Variants in ZDHHC20 observed in about 807,000 individuals in gnomAD.
The protein encoded by ZDHHC20 is palmitoyltransferase ZDHHC20.
In ZDHHC20, 43 loss-of-function variants were observed where a neutral mutation model predicts 57.8. The ratio of observed to expected loss-of-function variants is 0.74; its 90% CI spans 0.58 to 0.96. The LOEUF is 0.96. Ranked by LOEUF, ZDHHC20 falls within the 40% of genes least tolerant of loss-of-function variation. The probability of loss-of-function intolerance (pLI) is 0.00; values close to 1 mark genes in which losing one functional copy is unlikely to be tolerated. For synonymous variants in ZDHHC20, 157 were observed against 153.0 expected (o/e 1.03, Z -0.19); for missense variants, 391 against 441.1 (o/e 0.89, Z 1.02).
intron 6 of ZDHHC20, 40 bp downstream of exon 6, chr13:21,401,613 C>T (rs779289210): frequency 1.1e-4 from 167 of 1,523,068 alleles, no homozygotes; most frequent in Non-Finnish European, 1.4e-4. Context: ...AATTCTCTCT[C>T]TCACCACCAA....
At chr13:21,383,175 G>A (rs1226535722) in intron 9 of ZDHHC20, among the ~76,000 whole-genome samples, 166 bp from the exon 10 acceptor site, 1 of 152,126 alleles carries the variant, frequency 6.6e-6, no homozygotes, top group Non-Finnish European at 1.5e-5. Flanking sequence ...GATACGGTTT[G>A]GCTGTGTCCT....
At chr13:21,451,710 C>A (rs1466318223) in intron 1 of ZDHHC20, among the ~76,000 whole-genome samples, 2 of 152,076 alleles carry the variant, frequency 1.3e-5, no homozygotes, top group African/African-American at 4.8e-5. Context: ...CACTTATTGG[C>A]CGGGCACGGT....
chr13:21,381,557 G>A lies in ZDHHC20; in HGVS notation c.945-8C>T, dbSNP rs762340995. On this transcript the variant is annotated splice_region_variant and splice_polypyrimidine_tract_variant and intron_variant, in intron 10 of 12. Coordinates refer to ENST00000400590, the MANE Select transcript of ZDHHC20 (RefSeq NM_001330059.2). The stretch of plus-strand genomic sequence containing the variant: ...GGTTGATTTGAGCCACTACTGAAAA[G>A]AAGAGCAAACAACTTAGTAAACAGC... 1 of 1,597,990 alleles carries A rather than the reference G, an allele frequency of 6.3e-7. No individual in the cohort carries two copies. Among genetic ancestry groups the A allele is most frequent in the Non-Finnish European group, 8.6e-7 (1 of 1,166,266 alleles).
Position 21,387,642 on chromosome 13 carries a change from A to G in ZDHHC20, c.728-8T>C. ...TGGGTGCGCGGAATGATTCTGTTAA[A>G]TATACATACATATATAAACTAATTA... On this transcript the variant is annotated splice_region_variant and splice_polypyrimidine_tract_variant and intron_variant, in intron 8 of 12. Coordinates refer to ENST00000400590, the MANE Select transcript of ZDHHC20 (RefSeq NM_001330059.2). The G allele has an allele frequency of 7.1e-7, 1 of 1,413,578 alleles. No homozygotes were observed. Among genetic ancestry groups the G allele is most frequent in the Non-Finnish European group, 9.3e-7 (1 of 1,076,446 alleles). 87.6% of individuals were successfully genotyped at this position (1,413,578 alleles called of 1,614,324 possible).
At chr13:21,408,761 G>A (rs1469958087) in intron 4 of ZDHHC20, among the ~76,000 whole-genome samples, 1 of 152,022 alleles carries the variant, frequency 6.6e-6, no homozygotes. Flanking sequence ...TCATAAATAG[G>A]TCTTATTATT....
chr13:21,455,232 T>G (rs1884813205), intron 1 of ZDHHC20, among the ~76,000 whole-genome samples: 1 of 152,200 alleles, frequency 6.6e-6, no homozygotes, highest in Non-Finnish European at 1.5e-5. Context: ...ATAGCTCTTT[T>G]GAGCAATAGT....
intron 2 of ZDHHC20, among the ~76,000 whole-genome samples, chr13:21,423,321 GCT>G (rs1880852016): frequency 6.6e-6 from 1 of 152,096 alleles, no homozygotes; most frequent in African/African-American, 2.4e-5. Flanking sequence ...CTCAAAATCT[GCT>G]CTCTCTATCC....
At chr13:21,457,249 A>G (rs1340200195) in intron 1 of ZDHHC20, among the ~76,000 whole-genome samples, 2 of 152,178 alleles carry the variant, frequency 1.3e-5, no homozygotes, top group Non-Finnish European at 2.9e-5. Flanking sequence ...GTGGAATCTC[A>G]ACATAAATGC....
At chr13:21,376,815 A>G (rs1872163869) in intron 12 of ZDHHC20, among the ~76,000 whole-genome samples, 160 bp from the exon 13 acceptor site, 1 of 152,220 alleles carries the variant, frequency 6.6e-6, no homozygotes, top group Admixed American at 6.5e-5. Flanking sequence ...AGATTTTTGT[A>G]GCAGTAAATG....
intron 3 of ZDHHC20, among the ~76,000 whole-genome samples, chr13:21,416,154 GAGGTCACACCACTACACTCCAGCCT>G (rs2137881134): frequency 6.9e-6 from 1 of 144,938 alleles, no homozygotes; most frequent in East Asian, 2.0e-4. Flanking sequence ...GCAGTGAGCC[GAGGTCACACCACTACACTCCAGCCT>G]GGTGACAGAG....
At position 21,421,249 on chromosome 13, in the gene ZDHHC20, G is replaced by A. The variant is rs1038230292; in HGVS notation, c.146-85C>T. ...ACATTAAAACACAATAATTGGGTCAGGAGGCCGAATCCAATAAACAATTAA... is the reference window on the plus strand; with the variant it reads ...ACATTAAAACACAATAATTGGGTCAAGAGGCCGAATCCAATAAACAATTAA... On this transcript the variant is annotated intron_variant, in intron 2 of 12. Transcript: ENST00000400590. 6.1e-5 allele frequency: 61 copies of A among 993,668 alleles called. No individual in the cohort carries two copies. In the African/African-American group the frequency reaches 9.6e-4, roughly 16 times the overall value. The allele number at this position is 993,668 out of a possible 1,614,324, so 61.6% of individuals were successfully genotyped here. A position where few individuals can be genotyped will look rare whatever the true frequency, so the allele number is the denominator to read the frequency against.
Position 21,413,769 on chromosome 13 carries a change from A to T in ZDHHC20, c.253T>A (p.Tyr85Asn). Residue 85 changes from tyrosine (Y) to asparagine (N), a missense_variant, in exon 4 of 13, where the codon TAC becomes AAC. This residue lies in a region of ZDHHC20 where 185 missense variants were observed against 188.0 expected (regional missense o/e 0.98). Transcript: ENST00000400590. Reference sequence around the variant, plus strand: ...CGTTCCTTTTCAGAATTGGACAAGTAGAACTATAAAAGGAAAGAGGACTAT... The same window carrying T: ...CGTTCCTTTTCAGAATTGGACAAGTTGAACTATAAAAGGAAAGAGGACTAT... ...TSPASPSKEF[Y>N]LSNSEKERYE... 1.2e-6 allele frequency: 2 copies of T among 1,606,974 alleles called. No homozygotes were observed. Among genetic ancestry groups the T allele is most frequent in the Non-Finnish European group, 1.7e-6 (2 of 1,176,952 alleles).
intron 4 of ZDHHC20, among the ~76,000 whole-genome samples, chr13:21,407,320 A>C (rs989435374): frequency 1.3e-5 from 2 of 152,170 alleles, no homozygotes; most frequent in African/African-American, 4.8e-5. Flanking sequence ...AATGATCGCC[A>C]TTCTAACTGG....
Position 21,437,495 on chromosome 13 carries a change from A to G in ZDHHC20, c.119-11817T>C, listed in dbSNP as rs935460625. Among the ~76,000 whole-genome samples, 80 of 152,214 alleles carry G rather than the reference A, an allele frequency of 5.3e-4. 5 individuals are homozygous for G. The highest frequency in any genetic ancestry group is 2.9e-5 in the Non-Finnish European group (2 of 68,040). On this transcript the variant is annotated intron_variant, in intron 1 of 12. Coordinates refer to ENST00000400590, the MANE Select transcript of ZDHHC20 (RefSeq NM_001330059.2). ...CTTTCCTAGCCAGAGAGAGGAAGTC[A>G]ATGTCCAGCTTCAAAGAATAGGGAG...
At chr13:21,399,504 A>G (rs879588981) in intron 7 of ZDHHC20, among the ~76,000 whole-genome samples, 1 of 152,140 alleles carries the variant, frequency 6.6e-6, no homozygotes, top group Non-Finnish European at 1.5e-5. Context: ...AGTTACTTTC[A>G]ATGTTTTTGG....
intron 2 of ZDHHC20, among the ~76,000 whole-genome samples, chr13:21,423,794 A>G (rs1880933363): frequency 6.6e-6 from 1 of 151,786 alleles, no homozygotes; most frequent in Admixed American, 6.6e-5. Context: ...TACTGCTATG[A>G]TAACACTGAG....
intron 7 of ZDHHC20, among the ~76,000 whole-genome samples, chr13:21,398,175 A>G (rs965108910): frequency 6.6e-6 from 1 of 152,102 alleles, no homozygotes; most frequent in African/African-American, 2.4e-5. Flanking sequence ...AAGAAACATA[A>G]ACAAACAGGT....
At chr13:21,409,594 C>CT (rs1372641039) in intron 4 of ZDHHC20, among the ~76,000 whole-genome samples, 1 of 151,944 alleles carries the variant, frequency 6.6e-6, no homozygotes, top group South Asian at 2.1e-4. Flanking sequence ...CCTTTTCATT[C>CT]TTTTTTCTCT....
chr13:21,396,267 A>G (rs1442244993), intron 7 of ZDHHC20, among the ~76,000 whole-genome samples: 1 of 152,214 alleles, frequency 6.6e-6, no homozygotes, highest in African/African-American at 2.4e-5. Flanking sequence ...CCTGAATAAT[A>G]ACAAAACCTA....
Sources: allele counts gnomAD v4.1 joint callset (sites outside exome capture counted in the v4.1 genomes callset), GRCh38; gene constraint gnomAD v4.1.1; regional missense constraint gnomAD v4.1.1; transcripts MANE v1.5; gene names NCBI Gene and HGNC (gene_info 2026-07-23, HGNC 2026-07-21).